LITAF: variants seen among roughly 807,000 people sequenced by gnomAD.
LITAF encodes lipopolysaccharide-induced tumor necrosis factor-alpha factor.
Under a neutral mutation model 14.5 loss-of-function variants are expected in LITAF, and 9 were observed. That is an observed-to-expected ratio of 0.62 (90% CI 0.37 to 1.08). The LOEUF (loss-of-function observed/expected upper bound fraction) is 1.08. LITAF is among the 50% of genes least tolerant of loss of function. The pLI, the probability that LITAF is intolerant of heterozygous loss-of-function variation, is 0.01. For synonymous variants in LITAF, 98 were observed against 88.2 expected (o/e 1.11, Z -0.62); for missense variants, 206 against 213.4 (o/e 0.97, Z 0.22).
chr16:11,592,272 C>T (rs2064851496), intron 1 of LITAF, among the ~76,000 whole-genome samples: 1 of 152,004 alleles, frequency 6.6e-6, no homozygotes, highest in South Asian at 2.1e-4. Flanking sequence ...AACAAACAAC[C>T]TAGTGTAAAA....
intron 2 of LITAF, 164 bp downstream of exon 2, chr16:11,556,347 A>G (rs1249294942): frequency 9.6e-6 from 6 of 625,930 alleles, no homozygotes; most frequent in Non-Finnish European, 1.1e-5. Flanking sequence ...CCTCACCAAC[A>G]TGGAATCTAA....
Position 11,558,721 on chromosome 16 carries a change from C to A in LITAF, c.-5-1986G>T, listed in dbSNP as rs570579116. 6.6e-6 allele frequency among the ~76,000 whole-genome samples: 1 copy of A among 151,586 alleles called. No individual in the cohort carries two copies. The highest frequency in any genetic ancestry group is 1.5e-5 in the Non-Finnish European group (1 of 67,878). On this transcript the variant is annotated intron_variant, in intron 1 of 3. Coordinates refer to ENST00000622633, the MANE Select transcript of LITAF (RefSeq NM_001136472.2). The surrounding 1 kb of genome is among the most constrained non-coding windows in gnomAD (Gnocchi z 4.1). Reference sequence around the variant, plus strand: ...AGACTCTGTCTCAAAAACAAACAAACGAAACAAAGTGGAATAGAGGCGGGG... The same window carrying A: ...AGACTCTGTCTCAAAAACAAACAAAAGAAACAAAGTGGAATAGAGGCGGGG...
At chr16:11,583,104 CCAAA>C (rs1204305382) in intron 1 of LITAF, among the ~76,000 whole-genome samples, 1 of 152,236 alleles carries the variant, frequency 6.6e-6, no homozygotes, top group African/African-American at 2.4e-5. Context: ...TTATTTGATC[CCAAA>C]CAAATTCCAG....
At chr16:11,591,907 T>C (rs2064848992), upstream of LITAF, among the ~76,000 whole-genome samples, 1 of 152,110 alleles carries the variant, frequency 6.6e-6, no homozygotes. Context: ...TTCTGACAAG[T>C]GGTGCTGGGA....
At chr16:11,613,228 T>TG (rs2064993734) in intron 3 of LITAF, among the ~76,000 whole-genome samples, 1 of 152,012 alleles carries the variant, frequency 6.6e-6, no homozygotes, top group Non-Finnish European at 1.5e-5. Context: ...TTAGTAGAGA[T>TG]GGGGTTTCAC....
At chr16:11,570,369 A>G (rs971077617) in intron 1 of LITAF, among the ~76,000 whole-genome samples, 3 of 152,158 alleles carry the variant, frequency 2.0e-5, no homozygotes, top group African/African-American at 7.2e-5. Flanking sequence ...CGGGGGCTTC[A>G]CTGTGAGAGG....
At chr16:11,635,101 C>T (rs1242318049) in intron 2 of LITAF, among the ~76,000 whole-genome samples, 1 of 151,656 alleles carries the variant, frequency 6.6e-6, no homozygotes, top group East Asian at 1.9e-4. Context: ...AAACTCCAGT[C>T]TCCTATTCAG....
intron 1 of LITAF, among the ~76,000 whole-genome samples, chr16:11,573,949 G>C (rs1369367616): frequency 6.6e-6 from 1 of 151,604 alleles, no homozygotes; most frequent in African/African-American, 2.4e-5. Context: ...TGATCCTCCC[G>C]CCTCGGGCTC....
chr16:11,611,666 CTTTTTT>C (rs778921315), intron 3 of LITAF, among the ~76,000 whole-genome samples: 1 of 142,682 alleles, frequency 7.0e-6, no homozygotes, highest in African/African-American at 2.5e-5. Context: ...TTTTCTTTTT[CTTTTTT>C]TTTTTTTTAA....
intron 3 of LITAF, among the ~76,000 whole-genome samples, chr16:11,614,211 T>G (rs1398523490): frequency 6.6e-6 from 1 of 152,216 alleles, no homozygotes; most frequent in Non-Finnish European, 1.5e-5. Flanking sequence ...GCTAGAAGTC[T>G]GAAATCAAGA....
In LITAF at chr16:11,611,544, A is replaced by T. The variant is rs1301001470; in HGVS notation, c.85+21989T>A. Among the ~76,000 whole-genome samples the T allele has an allele frequency of 2.0e-5, 3 of 152,212 alleles. No individual in the cohort carries two copies. The East Asian group carries it at 5.8e-4, about 29-fold the overall frequency. ...CTTTCCCCTAGAGGACATCCCTATA[A>T]CAATACTTTTTACCACCTACTATTG... On this transcript the variant is annotated intron_variant, in intron 3 of 3. Coordinates refer to the LITAF transcript ENST00000574848.
In LITAF at chr16:11,586,749, C is replaced by G. The variant is rs1005141831; in HGVS notation, c.-6+137G>C. 6.6e-6 allele frequency: 1 copy of G among 151,888 alleles called. No homozygotes were observed. Among genetic ancestry groups the G allele is most frequent in the Non-Finnish European group, 1.5e-5 (1 of 67,828 alleles). The allele number at this position is 151,888 out of a possible 1,614,324, so 9.4% of individuals were successfully genotyped here. A position where few individuals can be genotyped will look rare whatever the true frequency, so the allele number is the denominator to read the frequency against. ...CCGCCGCGCCTCGATGCCCGCGACCCGACCCGCGCCCCCTGGCATCCCAGG... is the reference window on the plus strand; with the variant it reads ...CCGCCGCGCCTCGATGCCCGCGACCGGACCCGCGCCCCCTGGCATCCCAGG... On this transcript the variant is annotated intron_variant, in intron 1 of 3. Coordinates refer to ENST00000622633, the MANE Select transcript of LITAF (RefSeq NM_001136472.2). The surrounding 1 kb of genome is among the most constrained non-coding windows in gnomAD (Gnocchi z 6.5).
rs1471691094 is a variant in LITAF at position 11,636,264 on chromosome 16, A to G, written c.-173T>C. On this transcript the variant is annotated 5_prime_UTR_variant, in exon 1 of 4. Coordinates refer to the LITAF transcript ENST00000574848. ...ACCCGAGATTTGTTGTCTGACAGCCATGCAAAACTAGGATGCGGACACACC... is the reference window on the plus strand; with the variant it reads ...ACCCGAGATTTGTTGTCTGACAGCCGTGCAAAACTAGGATGCGGACACACC... 4.6e-5 allele frequency: 7 copies of G among 152,346 alleles called. No homozygotes were observed. In the East Asian group the frequency reaches 7.7e-4, roughly 17 times the overall value. 9.4% of individuals were successfully genotyped at this position (152,346 alleles called of 1,614,324 possible).
chr16:11,569,443 T>C (rs926408210), intron 1 of LITAF, among the ~76,000 whole-genome samples: 1 of 152,128 alleles, frequency 6.6e-6, no homozygotes, highest in Admixed American at 6.6e-5. Context: ...GGTCTCGCCA[T>C]GTTGCCCAGG....
At chr16:11,583,849 T>A (rs1046531827) in intron 1 of LITAF, among the ~76,000 whole-genome samples, 1 of 152,206 alleles carries the variant, frequency 6.6e-6, no homozygotes, top group Non-Finnish European at 1.5e-5. Flanking sequence ...AGCAGAGAAT[T>A]ACCATCACAT....
At chr16:11,617,426 CTTTTTTTTTTTTTTT>C in intron 3 of LITAF, among the ~76,000 whole-genome samples, 1 of 73,742 alleles carries the variant, frequency 1.4e-5, no homozygotes. Flanking sequence ...TGGCTTCACT[CTTTTTTTTTTTTTTT>C]TTTTTTTTTG....
chr16:11,556,451 C>A, intron 2 of LITAF, 60 bp downstream of exon 2: 1 of 1,470,232 alleles, frequency 6.8e-7, no homozygotes, highest in Non-Finnish European at 9.3e-7. Flanking sequence ...CGGTCACTCT[C>A]CTGATTCCCA....
intron 1 of LITAF, among the ~76,000 whole-genome samples, chr16:11,564,611 C>G (rs1220651960): frequency 6.6e-6 from 1 of 151,040 alleles, no homozygotes; most frequent in African/African-American, 2.4e-5. Context: ...CAAGGATAAG[C>G]CTCACCCTGG....
At chr16:11,570,834 GT>G (rs948569831) in intron 1 of LITAF, among the ~76,000 whole-genome samples, 1 of 151,916 alleles carries the variant, frequency 6.6e-6, no homozygotes, top group Non-Finnish European at 1.5e-5. Flanking sequence ...AGGTTGGGGG[GT>G]GGGGTCTAGG....
Sources: allele counts gnomAD v4.1 joint callset (sites outside exome capture counted in the v4.1 genomes callset), GRCh38; gene constraint gnomAD v4.1.1; non-coding constraint Gnocchi (gnomAD v3.1); transcripts MANE v1.5; gene names NCBI Gene and HGNC (gene_info 2026-07-23, HGNC 2026-07-21).